Variants in TTC28 observed in about 807,000 individuals in gnomAD.
The protein encoded by TTC28 is tetratricopeptide repeat protein 28.
A neutral mutation model predicts 198.0 loss-of-function variants in TTC28; 61 were observed. That is an observed-to-expected ratio of 0.31 (90% CI 0.25 to 0.38). TTC28 has a LOEUF of 0.38. TTC28 is among the 10% of genes least tolerant of loss of function. The pLI is 1.00. For missense variants in TTC28, 2,678 were observed against 3,164.0 expected, an observed-to-expected ratio of 0.85 and a Z score of 3.69; for synonymous variants, 1,171 against 1,297.8, an observed-to-expected ratio of 0.90 and a Z score of 2.10.
chr22:28,584,001 TTTTTG>T (rs1314956996), intron 2 of TTC28, among the ~76,000 whole-genome samples: 1,852 of 141,392 alleles, frequency 0.013, 48 homozygotes, highest in African/African-American at 0.048. Flanking sequence ...TTTTGTTTTG[TTTTTG>T]TTTTGTTTTG....
chr22:28,350,975 G>T (rs2045987260), intron 2 of TTC28, among the ~76,000 whole-genome samples: 1 of 152,132 alleles, frequency 6.6e-6, no homozygotes, highest in Non-Finnish European at 1.5e-5. Flanking sequence ...AAGGTCAGGA[G>T]ATCAAGACCA....
intron 2 of TTC28, among the ~76,000 whole-genome samples, chr22:28,347,624 C>A (rs916125544): frequency 2.0e-5 from 3 of 152,188 alleles, no homozygotes; most frequent in Non-Finnish European, 1.5e-5. Context: ...GTAATCCCAG[C>A]ACTTTGGGAG....
Position 28,054,763 on chromosome 22 carries a change from C to T in TTC28, c.3933-24397G>A, listed in dbSNP as rs542662668. On this transcript the variant is annotated intron_variant, in intron 12 of 22. Coordinates refer to ENST00000397906, the MANE Select transcript of TTC28 (RefSeq NM_001145418.2). The stretch of plus-strand genomic sequence containing the variant: ...ACCCACATCTTTCCCCATCAATAAA[C>T]TCTGCTTAATATTTACCTCCTCCAT... 1.8e-4 allele frequency among the ~76,000 whole-genome samples: 28 copies of T among 152,304 alleles called. No homozygotes were observed. In the South Asian group the frequency reaches 5.8e-3, roughly 32 times the overall value.
intron 2 of TTC28, among the ~76,000 whole-genome samples, chr22:28,473,636 A>G (rs1038789653): frequency 5.3e-5 from 8 of 152,196 alleles, no homozygotes; most frequent in Non-Finnish European, 1.5e-5. Flanking sequence ...CCTATGGGGT[A>G]CCTCTGCTGC....
intron 8 of TTC28, among the ~76,000 whole-genome samples, chr22:28,101,500 G>A (rs918782142): frequency 1.3e-5 from 2 of 152,168 alleles, no homozygotes; most frequent in South Asian, 2.1e-4. Context: ...CTGGGACTAC[G>A]GGCACGGGCC....
intron 1 of TTC28, among the ~76,000 whole-genome samples, chr22:28,641,255 T>C (rs1354160790): frequency 1.3e-5 from 2 of 150,494 alleles, no homozygotes; most frequent in East Asian, 2.0e-4. Context: ...ACCCAGGAAG[T>C]GGAAGTTGCA....
chr22:28,404,368 T>C (rs961572832), intron 2 of TTC28, among the ~76,000 whole-genome samples: 2 of 152,178 alleles, frequency 1.3e-5, no homozygotes, highest in African/African-American at 4.8e-5. Flanking sequence ...TCCGCCCGCC[T>C]CGGCCTCCCA....
intron 6 of TTC28, among the ~76,000 whole-genome samples, chr22:28,150,373 G>A (rs995232786): frequency 6.6e-6 from 1 of 152,164 alleles, no homozygotes; most frequent in African/African-American, 2.4e-5. Flanking sequence ...GAGAACAACG[G>A]AGGTGATCTG....
intron 10 of TTC28, among the ~76,000 whole-genome samples, chr22:28,096,859 T>C (rs1199175652): frequency 6.6e-6 from 1 of 151,704 alleles, no homozygotes; most frequent in Non-Finnish European, 1.5e-5. Context: ...GGCTGGAATA[T>C]AGTGGCATGA....
chr22:28,593,457 ATAGGTAGGTAGCTAGG>A (rs1039644775), intron 2 of TTC28, among the ~76,000 whole-genome samples: 22 of 145,822 alleles, frequency 1.5e-4, no homozygotes, highest in East Asian at 4.1e-4. Flanking sequence ...AGATAGGTAG[ATAGGTAGGTAGCTAGG>A]TAGGTAGGTA....
At chr22:27,990,384 C>T (rs560305295) in intron 20 of TTC28, among the ~76,000 whole-genome samples, 18 of 152,280 alleles carry the variant, frequency 1.2e-4, no homozygotes, top group African/African-American at 2.6e-4. Context: ...AGGTGGATGG[C>T]GAAGTGGAAC....
At chr22:28,505,978 G>A (rs2048607330) in intron 2 of TTC28, among the ~76,000 whole-genome samples, 1 of 152,244 alleles carries the variant, frequency 6.6e-6, no homozygotes, top group Non-Finnish European at 1.5e-5. Context: ...AATACAAACA[G>A]TCCGAACAAG....
At chr22:28,060,652 C>G (rs1343452774) in intron 12 of TTC28, among the ~76,000 whole-genome samples, 2 of 152,208 alleles carry the variant, frequency 1.3e-5, no homozygotes, top group Non-Finnish European at 1.5e-5. Flanking sequence ...TTTAGTTCTA[C>G]ATCCTTGAGG....
intron 6 of TTC28, among the ~76,000 whole-genome samples, chr22:28,154,174 A>AGTCT (rs1230454997): frequency 6.6e-6 from 1 of 152,198 alleles, no homozygotes; most frequent in Admixed American, 6.5e-5. Flanking sequence ...CTGAGCCTTC[A>AGTCT]GTCTAGTAAC....
intron 3 of TTC28, among the ~76,000 whole-genome samples, chr22:28,299,779 T>C (rs546700637): frequency 3.3e-5 from 5 of 152,274 alleles, no homozygotes; most frequent in African/African-American, 1.2e-4. Context: ...TTATCCCAAG[T>C]TGGAAAGCTT....
At chr22:28,540,632 T>C (rs1005059094) in intron 2 of TTC28, among the ~76,000 whole-genome samples, 6 of 152,204 alleles carry the variant, frequency 3.9e-5, no homozygotes, top group Non-Finnish European at 5.9e-5. Flanking sequence ...TTGATCAAAT[T>C]AGGAGCAAAT....
chr22:28,203,569 T>G (rs1926152477), intron 5 of TTC28, among the ~76,000 whole-genome samples: 1 of 152,118 alleles, frequency 6.6e-6, no homozygotes, highest in African/African-American at 2.4e-5. Context: ...TGGGCTTGGC[T>G]TTTTTATTTT....
chr22:28,455,424 A>C (rs2047844165), intron 2 of TTC28, among the ~76,000 whole-genome samples: 1 of 152,174 alleles, frequency 6.6e-6, no homozygotes. Flanking sequence ...TAAACAAAAG[A>C]GCATCATGGC....
chr22:28,440,778 ATTC>A (rs1359781110), intron 2 of TTC28, among the ~76,000 whole-genome samples: 1 of 152,240 alleles, frequency 6.6e-6, no homozygotes, highest in African/African-American at 2.4e-5. Flanking sequence ...TCATGTGAGT[ATTC>A]TGGCAAGAGT....
Sources: allele counts gnomAD v4.1 joint callset (sites outside exome capture counted in the v4.1 genomes callset), GRCh38; gene constraint gnomAD v4.1.1; transcripts MANE v1.5; gene names NCBI Gene and HGNC (gene_info 2026-07-23, HGNC 2026-07-21).